The following PDE8B variants were observed in gnomAD, a reference collection of about 807,000 sequenced individuals.
PDE8B encodes high affinity cAMP-specific and IBMX-insensitive 3',5'-cyclic phosphodiesterase 8B.
In PDE8B, 26 loss-of-function variants were observed where a neutral mutation model predicts 101.3. The ratio of observed to expected loss-of-function variants is 0.26; its 90% CI spans 0.19 to 0.36. The LOEUF (loss-of-function observed/expected upper bound fraction) is 0.36. Ranked by LOEUF, PDE8B falls within the 10% of genes least tolerant of loss-of-function variation. The pLI is 1.00. For missense variants in PDE8B, 810 were observed against 1,163.1 expected (o/e 0.70, Z 4.42); for synonymous variants, 424 against 429.3 (o/e 0.99, Z 0.15).
chr5:77,124,585 C>CAA, the PDE8B span, among the ~76,000 whole-genome samples: 5 of 122,426 alleles, frequency 4.1e-5, no homozygotes, highest in African/African-American at 1.0e-4. Flanking sequence ...GACACTGTCT[C>CAA]AAAAAAAAAA....
At chr5:77,253,917 T>TTA (rs1305859017) in intron 1 of PDE8B, among the ~76,000 whole-genome samples, 2 of 151,600 alleles carry the variant, frequency 1.3e-5, no homozygotes, top group South Asian at 2.1e-4. Flanking sequence ...TATTTAGTAT[T>TTA]TATATATATA....
chr5:77,298,261 A>G (rs1228821522), intron 1 of PDE8B, among the ~76,000 whole-genome samples: 1 of 152,204 alleles, frequency 6.6e-6, no homozygotes, highest in Admixed American at 6.5e-5. Flanking sequence ...CCCTTTAGAC[A>G]TCATTTCAAT....
chr5:77,359,825 C>T (rs956443472), intron 10 of PDE8B, among the ~76,000 whole-genome samples: 3 of 152,046 alleles, frequency 2.0e-5, no homozygotes, highest in Admixed American at 1.3e-4. Flanking sequence ...CTGCCGGGCG[C>T]AGTGGTTCAC....
intron 1 of PDE8B, among the ~76,000 whole-genome samples, chr5:77,270,771 C>T (rs1762616961): frequency 6.6e-6 from 1 of 152,228 alleles, no homozygotes; most frequent in Non-Finnish European, 1.5e-5. Context: ...CCACTTCCTT[C>T]TGGGAAGAAG....
At chr5:77,220,088 G>A (rs1029143502) in intron 1 of PDE8B, among the ~76,000 whole-genome samples, 4 of 152,174 alleles carry the variant, frequency 2.6e-5, no homozygotes, top group African/African-American at 9.6e-5. Flanking sequence ...TGCTGGGTCT[G>A]TGAAGCCAGT....
At chr5:77,202,713 A>G in the PDE8B span, among the ~76,000 whole-genome samples, 1 of 151,766 alleles carries the variant, frequency 6.6e-6, no homozygotes, top group African/African-American at 2.4e-5. Context: ...GCTCACTGTA[A>G]CCTCTGCCTC....
chr5:77,153,132 G>A, the PDE8B span, among the ~76,000 whole-genome samples: 1 of 152,254 alleles, frequency 6.6e-6, no homozygotes, highest in Admixed American at 6.5e-5. Flanking sequence ...ACAAAGCATA[G>A]GACAGCCCCT....
chr5:77,302,823 A>G (rs1400473658), intron 1 of PDE8B, among the ~76,000 whole-genome samples: 2 of 152,182 alleles, frequency 1.3e-5, no homozygotes, highest in African/African-American at 4.8e-5. Context: ...AAAGGGGCCC[A>G]GGATGCCCTG....
the PDE8B span, among the ~76,000 whole-genome samples, chr5:77,195,372 C>T: frequency 9.3e-3 from 1,414 of 152,266 alleles, 20 homozygotes; most frequent in African/African-American, 0.032. Context: ...TGGGGGGATG[C>T]GTTCAAGCCA....
chr5:77,161,085 T>C, the PDE8B span, among the ~76,000 whole-genome samples: 1 of 152,272 alleles, frequency 6.6e-6, no homozygotes, highest in Non-Finnish European at 1.5e-5. Context: ...GTAATTTATA[T>C]AATTTACATA....
At chr5:77,269,193 C>G (rs993297993) in intron 1 of PDE8B, among the ~76,000 whole-genome samples, 10 of 152,206 alleles carry the variant, frequency 6.6e-5, no homozygotes, top group Non-Finnish European at 4.4e-5. Flanking sequence ...GATGATATCT[C>G]ATTGTAGTTT....
chr5:77,357,197 G>C (rs554504832), intron 10 of PDE8B, among the ~76,000 whole-genome samples: 1 of 152,152 alleles, frequency 6.6e-6, no homozygotes, highest in Non-Finnish European at 1.5e-5. Flanking sequence ...TCAGGCAAGG[G>C]GACACCACAG....
intron 1 of PDE8B, among the ~76,000 whole-genome samples, chr5:77,223,859 C>G (rs148013281): frequency 6.6e-6 from 1 of 152,330 alleles, no homozygotes; most frequent in African/African-American, 2.4e-5. Flanking sequence ...ATGCCAGCCC[C>G]CTCCGCTGAT....
intron 10 of PDE8B, among the ~76,000 whole-genome samples, chr5:77,388,710 G>C (rs1336112054): frequency 6.6e-6 from 1 of 152,166 alleles, no homozygotes; most frequent in Non-Finnish European, 1.5e-5. Context: ...CAGGGAGATG[G>C]GGGTTTTATC....
intron 1 of PDE8B, among the ~76,000 whole-genome samples, chr5:77,270,431 A>G (rs927158137): frequency 6.6e-6 from 1 of 152,136 alleles, no homozygotes; most frequent in African/African-American, 2.4e-5. Flanking sequence ...TTCCTTTTCA[A>G]TTTGGATGCC....
the PDE8B span, among the ~76,000 whole-genome samples, chr5:77,185,792 C>T: frequency 6.6e-5 from 10 of 152,208 alleles, no homozygotes; most frequent in South Asian, 6.2e-4. Context: ...ATATTTAAAG[C>T]GGCCCAATGT....
At chr5:77,298,925 A>G (rs1769232274) in intron 1 of PDE8B, among the ~76,000 whole-genome samples, 1 of 152,250 alleles carries the variant, frequency 6.6e-6, no homozygotes, top group African/African-American at 2.4e-5. Flanking sequence ...TTAAAAATTC[A>G]TGTGAACTTT....
At chr5:77,320,752 A>G (rs979369934) in intron 2 of PDE8B, among the ~76,000 whole-genome samples, 5 of 152,214 alleles carry the variant, frequency 3.3e-5, no homozygotes, top group African/African-American at 1.2e-4. Flanking sequence ...AAGTTCAGTT[A>G]TAACACCATT....
chr5:77,342,449 C>T (rs973441408), intron 6 of PDE8B, among the ~76,000 whole-genome samples: 11 of 151,534 alleles, frequency 7.3e-5, no homozygotes, highest in East Asian at 5.8e-4. Flanking sequence ...TCCCTCTAAA[C>T]GGATCAAAAT....
Sources: allele counts gnomAD v4.1 joint callset (sites outside exome capture counted in the v4.1 genomes callset), GRCh38; gene constraint gnomAD v4.1.1; transcripts MANE v1.5; gene names NCBI Gene and HGNC (gene_info 2026-07-23, HGNC 2026-07-21).